Variants in DYM observed in about 807,000 individuals in gnomAD.
DYM encodes dyggve-Melchior-Clausen syndrome protein.
In DYM, 78 loss-of-function variants were observed where a neutral mutation model predicts 93.1. The observed-to-expected ratio is 0.84, with a 90% CI of 0.70 to 1.01. The LOEUF (loss-of-function observed/expected upper bound fraction) is 1.01, where lower values mean the gene tolerates loss of function less well. Among genes scored for constraint, DYM ranks in the 50% least tolerant of loss-of-function variants. The pLI is 0.00. For missense variants in DYM, 789 were observed against 845.0 expected (o/e 0.93, Z 0.82); for synonymous variants, 321 against 319.7 (o/e 1.00, Z -0.04).
intron 5 of DYM, among the ~76,000 whole-genome samples, chr18:49,368,164 C>T (rs552107491): frequency 1.3e-5 from 2 of 152,280 alleles, no homozygotes; most frequent in African/African-American, 4.8e-5. Context: ...TTCTGGTTGA[C>T]TGCTATTATT....
rs543157188 is a variant in DYM, at chr18:49,222,679, C to T, written c.1461-12964G>A. On this transcript the variant is annotated intron_variant, in intron 13 of 17. Coordinates refer to ENST00000675505, the MANE Select transcript of DYM (RefSeq NM_001353214.3). Reference sequence around the variant, plus strand: ...ACAAAAAATGAAAATGTATCAATTACTACTAGAGGTACCAAAGGCATGAAA... The same window carrying T: ...ACAAAAAATGAAAATGTATCAATTATTACTAGAGGTACCAAAGGCATGAAA... Among the ~76,000 whole-genome samples, 69 of 152,194 alleles carry T rather than the reference C, an allele frequency of 4.5e-4. 1 individual carries two copies. The highest frequency in any genetic ancestry group is 3.4e-3 in the Middle Eastern group (1 of 294).
At chr18:49,130,634 A>C (rs1402032438) in intron 15 of DYM, among the ~76,000 whole-genome samples, 1 of 152,214 alleles carries the variant, frequency 6.6e-6, no homozygotes, top group Non-Finnish European at 1.5e-5. Flanking sequence ...AAATCTATTA[A>C]GATGATCATG....
chr18:49,368,935 C>G (rs960385161), intron 5 of DYM, among the ~76,000 whole-genome samples: 1 of 152,232 alleles, frequency 6.6e-6, no homozygotes, highest in Non-Finnish European at 1.5e-5. Flanking sequence ...TGATCTCTCA[C>G]AAGTCAGCCA....
chr18:49,305,902 C>T (rs149257292), intron 8 of DYM, among the ~76,000 whole-genome samples: 124 of 152,320 alleles, frequency 8.1e-4, no homozygotes, highest in African/African-American at 2.6e-3. Flanking sequence ...GTACCAGCTC[C>T]ATTCATTTAC....
At chr18:49,049,227 T>C (rs2072057787) in intron 17 of DYM, among the ~76,000 whole-genome samples, 1 of 152,192 alleles carries the variant, frequency 6.6e-6, no homozygotes, top group African/African-American at 2.4e-5. Context: ...ATTCAAAGAA[T>C]TTACATATAG....
chr18:49,273,816 C>CTTTTTTTTTT (rs35929710), intron 10 of DYM, among the ~76,000 whole-genome samples: 1 of 137,296 alleles, frequency 7.3e-6, no homozygotes. Flanking sequence ...TATTTTATGC[C>CTTTTTTTTTT]TTTTTTTTTT....
chr18:49,189,356 T>G (rs2145647281), intron 14 of DYM, among the ~76,000 whole-genome samples: 1 of 152,310 alleles, frequency 6.6e-6, no homozygotes, highest in African/African-American at 2.4e-5. Flanking sequence ...TTCAACTGCT[T>G]CTTCTTTTCC....
intron 13 of DYM, among the ~76,000 whole-genome samples, chr18:49,248,116 C>T (rs1000849926): frequency 1.3e-5 from 2 of 152,220 alleles, no homozygotes; most frequent in South Asian, 2.1e-4. Flanking sequence ...AAAATGAAAT[C>T]ATATACATTT....
intron 16 of DYM, among the ~76,000 whole-genome samples, chr18:49,108,169 A>G (rs1318672489): frequency 1.3e-5 from 2 of 152,282 alleles, no homozygotes; most frequent in African/African-American, 2.4e-5. Flanking sequence ...TGTGCTAGCA[A>G]TGAGCGAGGC....
intron 14 of DYM, among the ~76,000 whole-genome samples, chr18:49,168,513 G>A (rs764934534): frequency 2.4e-4 from 36 of 152,294 alleles, no homozygotes; most frequent in Non-Finnish European, 4.6e-4. Context: ...CTGTAGTGTA[G>A]GGTACACAGA....
chr18:49,147,265 C>G (rs563881298), intron 15 of DYM, among the ~76,000 whole-genome samples: 1 of 151,904 alleles, frequency 6.6e-6, no homozygotes, highest in Non-Finnish European at 1.5e-5. Flanking sequence ...CTAGGCAATA[C>G]CATTCAGGAC....
intron 15 of DYM, among the ~76,000 whole-genome samples, chr18:49,128,655 T>C (rs981519185): frequency 3.9e-5 from 6 of 152,168 alleles, no homozygotes; most frequent in African/African-American, 1.4e-4. Flanking sequence ...AAGTCTCAGC[T>C]TCATAAAGTA....
intron 13 of DYM, among the ~76,000 whole-genome samples, chr18:49,216,064 C>A (rs553171883): frequency 6.6e-6 from 1 of 152,294 alleles, no homozygotes; most frequent in South Asian, 2.1e-4. Context: ...TGCGCTTTTC[C>A]GATGGGCTTA....
intron 2 of DYM, among the ~76,000 whole-genome samples, chr18:49,426,031 A>C (rs1054504358): frequency 6.6e-6 from 1 of 152,160 alleles, no homozygotes; most frequent in Non-Finnish European, 1.5e-5. Flanking sequence ...TTTGACCCAG[A>C]AATCCCATTA....
intron 15 of DYM, among the ~76,000 whole-genome samples, chr18:49,150,044 A>G (rs574699019): frequency 6.6e-5 from 10 of 152,282 alleles, no homozygotes; most frequent in African/African-American, 2.4e-4. Flanking sequence ...GTCTTTCACA[A>G]TTGCTATTTA....
intron 17 of DYM, among the ~76,000 whole-genome samples, chr18:49,061,968 G>A (rs2076015138): frequency 6.6e-6 from 1 of 152,086 alleles, no homozygotes; most frequent in Non-Finnish European, 1.5e-5. Flanking sequence ...TTATTTTTCT[G>A]ATACGGTCTC....
rs1349563444 is a variant in DYM, at chr18:49,378,630, G to A, written c.358C>T (p.Gln120Ter). 6.2e-7 allele frequency: 1 copy of A among 1,612,844 alleles called. No homozygotes were observed. The highest frequency in any genetic ancestry group is 8.5e-7 in the Non-Finnish European group (1 of 1,179,122). ...ICCLLKVFIC[Q>*]MSEEELQLHF... ...AGTTGTAATTCCTCCTCTGACATCTGACAGATGAACACTTTCAGCAAACAG... is the reference window on the plus strand; with the variant it reads ...AGTTGTAATTCCTCCTCTGACATCTAACAGATGAACACTTTCAGCAAACAG... Residue 120 changes from glutamine to a stop codon, truncating the protein, a stop_gained, in exon 5 of 18, where the codon CAG becomes TAG. Coordinates refer to ENST00000675505, the MANE Select transcript of DYM (RefSeq NM_001353214.3). LOFTEE classifies it high-confidence loss of function.
chr18:49,395,264 A>C (rs6507904), intron 2 of DYM, among the ~76,000 whole-genome samples: 30,401 of 152,066 alleles, frequency 0.2, 3,107 homozygotes, highest in Middle Eastern at 0.25. Flanking sequence ...CAGGATACAT[A>C]AGGAACTCAA....
At chr18:49,378,304 A>C (rs1160910464) in intron 5 of DYM, among the ~76,000 whole-genome samples, 1 of 152,186 alleles carries the variant, frequency 6.6e-6, no homozygotes, top group African/African-American at 2.4e-5. Context: ...TTTCTTCTTC[A>C]TCCACATGCA....
Sources: allele counts gnomAD v4.1 joint callset (sites outside exome capture counted in the v4.1 genomes callset), GRCh38; gene constraint gnomAD v4.1.1; transcripts MANE v1.5; gene names NCBI Gene and HGNC (gene_info 2026-07-23, HGNC 2026-07-21).